The following METTL24 variants were observed in gnomAD, a reference collection of about 807,000 sequenced individuals.
METTL24 encodes probable methyltransferase-like protein 24.
METTL24 carries 29 observed loss-of-function variants against 32.7 expected under a neutral mutation model. The ratio of observed to expected loss-of-function variants is 0.89; its 90% CI spans 0.66 to 1.21. The LOEUF is 1.21. Ranked by LOEUF, METTL24 falls within the 50% of genes most tolerant of loss-of-function variation. The pLI is 0.00. For missense variants in METTL24, 439 were observed against 468.1 expected, an observed-to-expected ratio of 0.94 and a Z score of 0.57; for synonymous variants, 163 against 179.5, an observed-to-expected ratio of 0.91 and a Z score of 0.73.
chr6:110,302,057 C>T (rs993158565), intron 3 of METTL24, among the ~76,000 whole-genome samples: 10 of 151,986 alleles, frequency 6.6e-5, no homozygotes, highest in African/African-American at 2.2e-4. Flanking sequence ...GGGCAGATCA[C>T]GAGGTCAGGA....
At chr6:110,254,492 C>T (rs1283954900) in intron 4 of METTL24, among the ~76,000 whole-genome samples, 4 of 152,004 alleles carry the variant, frequency 2.6e-5, no homozygotes, top group Non-Finnish European at 5.9e-5. Flanking sequence ...ATTATCTGGG[C>T]ATGGTGGCAT....
chr6:110,266,219 C>A (rs1328716758), intron 4 of METTL24, among the ~76,000 whole-genome samples: 2 of 151,794 alleles, frequency 1.3e-5, no homozygotes, highest in African/African-American at 4.8e-5. Context: ...AAAAAAAATG[C>A]TTCTATTTTT....
chr6:110,337,135 G>T (rs1382876990), intron 1 of METTL24, among the ~76,000 whole-genome samples: 3 of 152,168 alleles, frequency 2.0e-5, no homozygotes, highest in Non-Finnish European at 4.4e-5. Context: ...CATAGATGGA[G>T]CTGGAGGCCA....
intron 1 of METTL24, among the ~76,000 whole-genome samples, chr6:110,334,058 G>A (rs965522363): frequency 2.0e-5 from 3 of 149,240 alleles, no homozygotes; most frequent in African/African-American, 7.4e-5. Context: ...AAAAGTGGGG[G>A]GAGGAATGGA....
chr6:110,324,812 T>C (rs1044935477), intron 1 of METTL24, among the ~76,000 whole-genome samples: 1 of 152,238 alleles, frequency 6.6e-6, no homozygotes, highest in Non-Finnish European at 1.5e-5. Context: ...GATTACCATT[T>C]GGTCAAACAA....
At chr6:110,281,313 T>C (rs190550242) in intron 4 of METTL24, among the ~76,000 whole-genome samples, 55 of 151,614 alleles carry the variant, frequency 3.6e-4, no homozygotes, top group African/African-American at 1.3e-3. Context: ...AATAAAGAGG[T>C]TGGGAAATTG....
intron 4 of METTL24, among the ~76,000 whole-genome samples, chr6:110,294,966 A>G (rs542197487): frequency 4.4e-4 from 67 of 151,970 alleles, no homozygotes; most frequent in African/African-American, 1.6e-3. Context: ...AAGTAAAGAG[A>G]AAAACAAAAA....
At chr6:110,246,331 T>C (rs1264190616) in intron 4 of METTL24, 71 bp from the exon 5 acceptor site, 32 of 1,330,254 alleles carry the variant, frequency 2.4e-5, no homozygotes, top group Non-Finnish European at 3.0e-5. Flanking sequence ...TTTCACATTA[T>C]AGCTACCTCT....
intron 4 of METTL24, among the ~76,000 whole-genome samples, chr6:110,277,814 G>T (rs1441298108): frequency 6.6e-6 from 1 of 152,012 alleles, no homozygotes; most frequent in African/African-American, 2.4e-5. Context: ...ATCTTAGCAT[G>T]TCAAAAACTA....
At chr6:110,342,817 T>C (rs1010917566) in intron 1 of METTL24, among the ~76,000 whole-genome samples, 1 of 152,224 alleles carries the variant, frequency 6.6e-6, no homozygotes, top group Non-Finnish European at 1.5e-5. Context: ...TATGTGGCCT[T>C]TTGTGATTGC....
In METTL24 at chr6:110,328,537, G is replaced by A. The variant is rs554701849; in HGVS notation, c.319-5665C>T. ...ATAATGGATTTGACTCAAAAAGACT[G>A]CAACAAGCACAGCCATGAGGCTTTG... On this transcript the variant is annotated intron_variant, in intron 1 of 4. Coordinates refer to ENST00000338882, the MANE Select transcript of METTL24 (RefSeq NM_001123364.3). Among the ~76,000 whole-genome samples the A allele has an allele frequency of 5.0e-4, 76 of 152,244 alleles. No homozygotes were observed. The East Asian group carries it at 9.1e-3, about 18-fold the overall frequency.
chr6:110,310,407 A>G (rs1031697900), intron 3 of METTL24, among the ~76,000 whole-genome samples: 1 of 150,856 alleles, frequency 6.6e-6, no homozygotes, highest in African/African-American at 2.4e-5. Context: ...TTTATCTACG[A>G]CTCTCATCCC....
At chr6:110,318,981 C>G (rs1320974788) in intron 2 of METTL24, among the ~76,000 whole-genome samples, 1 of 151,972 alleles carries the variant, frequency 6.6e-6, no homozygotes, top group Non-Finnish European at 1.5e-5. Context: ...CAAATTAGGC[C>G]TAGACAAAGG....
intron 4 of METTL24, among the ~76,000 whole-genome samples, chr6:110,255,430 A>G (rs1778364424): frequency 6.6e-6 from 1 of 152,140 alleles, no homozygotes; most frequent in African/African-American, 2.4e-5. Flanking sequence ...AAGATGTCAG[A>G]GGTCAGCAGG....
At chr6:110,305,758 G>GCC (rs1771616436) in intron 3 of METTL24, among the ~76,000 whole-genome samples, 1 of 152,078 alleles carries the variant, frequency 6.6e-6, no homozygotes, top group Non-Finnish European at 1.5e-5. Flanking sequence ...CATTGTGGAA[G>GCC]ACAGTGTGGC....
intron 4 of METTL24, among the ~76,000 whole-genome samples, chr6:110,248,722 C>G (rs1778217960): frequency 6.6e-6 from 1 of 151,484 alleles, no homozygotes; most frequent in African/African-American, 2.4e-5. Flanking sequence ...GAGTTCAAGA[C>G]AACCTTGGAC....
intron 2 of METTL24, among the ~76,000 whole-genome samples, chr6:110,322,048 G>C (rs1032617873): frequency 1.3e-5 from 2 of 152,110 alleles, no homozygotes; most frequent in Non-Finnish European, 2.9e-5. Flanking sequence ...ATTTCCCTTG[G>C]GCCTTGATTT....
In METTL24 at chr6:110,259,732, A is replaced by C. The variant is rs1226674348; in HGVS notation, c.787-13472T>G. Among the ~76,000 whole-genome samples, 9 of 152,316 alleles carry C rather than the reference A, an allele frequency of 5.9e-5. No homozygotes were observed. The South Asian group carries it at 1.2e-3, about 21-fold the overall frequency. Reference sequence around the variant, plus strand: ...GGCATCCCCCAGTAGGGGCAGACTGACACCTCACACGGCTGGGTACTCCTC... The same window carrying C: ...GGCATCCCCCAGTAGGGGCAGACTGCCACCTCACACGGCTGGGTACTCCTC... On this transcript the variant is annotated intron_variant, in intron 4 of 4. Transcript: ENST00000338882.
At chr6:110,354,801 C>A (rs1772673776) in intron 1 of METTL24, among the ~76,000 whole-genome samples, 1 of 152,012 alleles carries the variant, frequency 6.6e-6, no homozygotes, top group South Asian at 2.1e-4. Context: ...GAGAATAAAA[C>A]AAATTCAAGA....
Sources: gnomAD v4.1 joint callset for allele counts (sites outside exome capture counted in the v4.1 genomes callset) on GRCh38, gnomAD v4.1.1 for gene constraint, MANE v1.5 for transcripts, NCBI Gene and HGNC (gene_info 2026-07-23, HGNC 2026-07-21) for gene names.